ELF1: variants seen among roughly 807,000 people sequenced by gnomAD.
ELF1 encodes ETS-related transcription factor Elf-1.
Under a neutral mutation model 59.9 loss-of-function variants are expected in ELF1, and 24 were observed. The observed-to-expected ratio is 0.40, with a 90% CI of 0.29 to 0.56. The LOEUF (loss-of-function observed/expected upper bound fraction) is 0.56. Ranked by LOEUF, ELF1 falls within the 20% of genes least tolerant of loss-of-function variation. The pLI, the probability that ELF1 is intolerant of heterozygous loss-of-function variation, is 0.44. For missense variants in ELF1, 627 were observed against 742.2 expected (o/e 0.84, Z 1.80); for synonymous variants, 248 against 266.2 (o/e 0.93, Z 0.67).
intron 1 of ELF1, among the ~76,000 whole-genome samples, chr13:41,039,209 G>C (rs1281147051): frequency 6.6e-6 from 1 of 151,672 alleles, no homozygotes; most frequent in Non-Finnish European, 1.5e-5. Context: ...AGACCAGCCT[G>C]GGTAACACGG....
intron 2 of ELF1, among the ~76,000 whole-genome samples, chr13:40,967,103 A>C (rs1421092148): frequency 6.6e-6 from 1 of 152,252 alleles, no homozygotes; most frequent in Non-Finnish European, 1.5e-5. Context: ...CCTTCAAATC[A>C]GACTGAGGCC....
intron 1 of ELF1, among the ~76,000 whole-genome samples, chr13:41,029,944 C>G (rs1876098488): frequency 6.6e-6 from 1 of 152,122 alleles, no homozygotes; most frequent in African/African-American, 2.4e-5. Context: ...CATTAGTTAT[C>G]AGACTAGAGA....
intron 1 of ELF1, among the ~76,000 whole-genome samples, chr13:41,013,862 T>C (rs930460632): frequency 1.3e-5 from 2 of 152,082 alleles, no homozygotes; most frequent in African/African-American, 4.8e-5. Context: ...TTACACTTCA[T>C]TTTAATAGTT....
exon 1 of ELF1, chr13:41,060,920 C>CGCCGCCGCCGCCGCCGCCGCTGCTGCT (rs1566205430): frequency 6.7e-5 from 3 of 45,084 alleles, no homozygotes; most frequent in Admixed American, 5.4e-4. Context: ...CTGCTGCCGC[C>CGCCGCCGCCGCCGCCGCCGCTGCTGCT]GCCGCCGCCG....
intron 3 of ELF1, among the ~76,000 whole-genome samples, chr13:40,955,328 G>A (rs1319227329): frequency 3.4e-5 from 5 of 145,600 alleles, no homozygotes; most frequent in African/African-American, 7.7e-5. Flanking sequence ...GGAGGTGGGG[G>A]GGTTAGCCCC....
intron 7 of ELF1, 86 bp from the exon 8 acceptor site, chr13:40,941,456 C>T: frequency 1.5e-6 from 2 of 1,296,012 alleles, no homozygotes; most frequent in Non-Finnish European, 2.1e-6. Flanking sequence ...ATAAACAAAA[C>T]TTTAAAGTTG....
chr13:41,016,978 ATATG>A (rs1875443825), intron 1 of ELF1, among the ~76,000 whole-genome samples: 1 of 121,802 alleles, frequency 8.2e-6, no homozygotes, highest in South Asian at 2.8e-4. Flanking sequence ...ATATATATAT[ATATG>A]AGCTAAAACT....
intron 2 of ELF1, among the ~76,000 whole-genome samples, chr13:40,960,956 C>G (rs558917678): frequency 2.0e-5 from 3 of 152,134 alleles, no homozygotes. Context: ...CTGCAACCTC[C>G]GCCTCCCAGG....
At chr13:40,981,330 T>TTGTG (rs150570754) in intron 2 of ELF1, among the ~76,000 whole-genome samples, 2 of 151,484 alleles carry the variant, frequency 1.3e-5, no homozygotes, top group Non-Finnish European at 3.0e-5. Flanking sequence ...TCCAGTTCTT[T>TTGTG]TGTGTGTGTG....
At chr13:41,000,740 T>C (rs1874385679) in intron 1 of ELF1, among the ~76,000 whole-genome samples, 1 of 152,186 alleles carries the variant, frequency 6.6e-6, no homozygotes, top group African/African-American at 2.4e-5. Flanking sequence ...AAGTTCTTTA[T>C]GGTTTACAAA....
intron 2 of ELF1, among the ~76,000 whole-genome samples, chr13:40,966,394 A>G (rs1872174761): frequency 6.6e-6 from 1 of 152,236 alleles, no homozygotes; most frequent in Non-Finnish European, 1.5e-5. Flanking sequence ...ACATTTTTGG[A>G]GCAATAATAA....
intron 1 of ELF1, among the ~76,000 whole-genome samples, chr13:41,034,139 A>G (rs759292732): frequency 6.6e-6 from 1 of 152,206 alleles, no homozygotes; most frequent in South Asian, 2.1e-4. Context: ...GATATAATCA[A>G]ATTGAGGGAC....
At chr13:40,995,662 TAA>T (rs79517348) in intron 1 of ELF1, among the ~76,000 whole-genome samples, 47 of 140,112 alleles carry the variant, frequency 3.4e-4, no homozygotes, top group East Asian at 4.1e-4. Flanking sequence ...ATATCCACAT[TAA>T]AAAAAAAAAA....
chr13:41,017,628 C>T (rs1221915004), intron 1 of ELF1, among the ~76,000 whole-genome samples: 1 of 152,038 alleles, frequency 6.6e-6, no homozygotes, highest in Non-Finnish European at 1.5e-5. Context: ...CAGTCTCTAT[C>T]ACGTAAGAAA....
At chr13:41,025,817 C>T (rs4942017) in intron 1 of ELF1, among the ~76,000 whole-genome samples, 46,938 of 152,108 alleles carry the variant, frequency 0.31, 9,295 homozygotes, top group Middle Eastern at 0.46. Flanking sequence ...GTGGTGACTC[C>T]GATTGCAGCT....
At chr13:41,052,622 G>A (rs991389976) in intron 1 of ELF1, among the ~76,000 whole-genome samples, 1 of 151,824 alleles carries the variant, frequency 6.6e-6, no homozygotes, top group African/African-American at 2.4e-5. Flanking sequence ...AAGCCAAGGC[G>A]GGAAGATCAC....
rs368636759 is a variant in ELF1 at position 41,035,765 on chromosome 13, G to A, written c.-229+25073C>T. Among the ~76,000 whole-genome samples the A allele has an allele frequency of 6.4e-4, 96 of 149,858 alleles. 2 individuals carry two copies. In the East Asian group the frequency reaches 7.6e-3, roughly 12 times the overall value. On this transcript the variant is annotated intron_variant, in intron 1 of 1. Transcript: ENST00000405737. ...AAAGGAAAACTCCCAAAAGATTAGG[G>A]TAAAGTGGCCCTTCCATTCGACTTT... is the stretch of plus-strand genomic sequence containing the variant.
chr13:41,038,214 GT>G (rs1876464121), intron 1 of ELF1, among the ~76,000 whole-genome samples: 1 of 152,182 alleles, frequency 6.6e-6, no homozygotes, highest in Non-Finnish European at 1.5e-5. Context: ...ATCAGGCCAG[GT>G]GAGGTGGCTC....
exon 1 of ELF1, chr13:41,061,014 G>C (rs1315358624): frequency 4.4e-6 from 1 of 226,908 alleles, no homozygotes; most frequent in Non-Finnish European, 9.2e-6. Flanking sequence ...TCGTAGGGGA[G>C]AGGAGGGGCG....
Sources: gnomAD v4.1 joint callset for allele counts (sites outside exome capture counted in the v4.1 genomes callset) on GRCh38, gnomAD v4.1.1 for gene constraint, MANE v1.5 for transcripts, NCBI Gene and HGNC (gene_info 2026-07-23, HGNC 2026-07-21) for gene names.